Variants in PTPRB observed in about 807,000 individuals in gnomAD.
The protein encoded by PTPRB is receptor-type tyrosine-protein phosphatase beta.
PTPRB carries 97 observed loss-of-function variants against 238.1 expected under a neutral mutation model. The observed-to-expected ratio is 0.41, with a 90% CI of 0.35 to 0.48. PTPRB has a LOEUF of 0.48. PTPRB is among the 20% of genes least tolerant of loss of function. PTPRB has a pLI of 0.30. For synonymous variants in PTPRB, 970 were observed against 995.4 expected, an observed-to-expected ratio of 0.97 and a Z score of 0.48; for missense variants, 2,292 against 2,681.9, an observed-to-expected ratio of 0.85 and a Z score of 3.21.
At chr12:70,589,627 G>A (rs892931368) in intron 8 of PTPRB, among the ~76,000 whole-genome samples, 1 of 148,120 alleles carries the variant, frequency 6.8e-6, no homozygotes, top group Non-Finnish European at 1.5e-5. Flanking sequence ...GTCAACATGA[G>A]GTCAAGGCAA....
At chr12:70,534,764 C>A in intron 30 of PTPRB, 69 bp downstream of exon 30, 3 of 1,600,416 alleles carry the variant, frequency 1.9e-6, no homozygotes, top group South Asian at 1.1e-5. Flanking sequence ...GAGGAACCAG[C>A]GAAAGTGGGG....
At chr12:70,539,421 T>A in intron 26 of PTPRB, 1 of 584,310 alleles carries the variant, frequency 1.7e-6, no homozygotes, top group Non-Finnish European at 3.0e-6. Context: ...TTTGCTGTGT[T>A]ATTCTGGAGC....
At position 70,576,635 on chromosome 12, in the gene PTPRB, A is replaced by G; in HGVS notation, c.2589T>C (p.Ser863=). ...AATTGTTCACCGTTACTCCACTCAC[A>G]CTGGAAGGGACTGTGATTTTGAAAG... ...VVVEGRTVPS[S]VSGVTVNNSG... The change falls in exon 11 of 34, where the codon AGT becomes AGC. Residue 863 remains serine (S), a synonymous_variant. Transcript: ENST00000334414. 8.7e-7 allele frequency: 1 copy of G among 1,151,532 alleles called. No individual in the cohort carries two copies. Among genetic ancestry groups the G allele is most frequent in the Non-Finnish European group, 1.1e-6 (1 of 892,142 alleles). The allele number at this position is 1,151,532 out of a possible 1,614,324, so 71.3% of individuals were successfully genotyped here. A position where few individuals can be genotyped will look rare whatever the true frequency, so the allele number is the denominator to read the frequency against.
intron 21 of PTPRB, among the ~76,000 whole-genome samples, chr12:70,547,960 C>T (rs985256996): frequency 6.6e-6 from 1 of 152,154 alleles, no homozygotes; most frequent in Non-Finnish European, 1.5e-5. Context: ...TGAACGAAAA[C>T]TGAACTTCAT....
intron 12 of PTPRB, 138 bp downstream of exon 12, chr12:70,571,686 G>T: frequency 2.1e-6 from 2 of 975,156 alleles, no homozygotes; most frequent in Non-Finnish European, 3.0e-6. Flanking sequence ...TGGCTTGGCT[G>T]AATGATGTTA....
In PTPRB at chr12:70,555,929, A is replaced by G; in HGVS notation, c.4934T>C (p.Val1645Ala). Residue 1645 changes from valine (V) to alanine (A), a missense_variant, in exon 19 of 34, where the codon GTG becomes GCG. By Grantham distance (64) the Val-to-Ala change is moderately conservative. Transcript: ENST00000334414. ...PHKRYLVSIK[V>A]QSAGMTSEVV... ...CTCGCTGGTCATGCCGGCCGACTGC[A>G]CTTTGATGGACACCAGGTACCTCTT... 4 of 1,613,882 alleles carry G rather than the reference A, an allele frequency of 2.5e-6. No homozygotes were observed. Among genetic ancestry groups the G allele is most frequent in the Non-Finnish European group, 3.4e-6 (4 of 1,179,890 alleles).
rs1403982760 is a variant in PTPRB at position 70,520,290 on chromosome 12, A to G, written c.*1199T>C. ...AAAGTAAGTAAGGCACAAATATTGAAGATAAACTTGGTACAGTATGTAGTG... is the reference window on the plus strand; with the variant it reads ...AAAGTAAGTAAGGCACAAATATTGAGGATAAACTTGGTACAGTATGTAGTG... On this transcript the variant is annotated 3_prime_UTR_variant, in exon 34 of 34. Transcript: ENST00000334414. 2.2e-6 allele frequency: 1 copy of G among 450,068 alleles called. No homozygotes were observed. Among genetic ancestry groups the G allele is most frequent in the East Asian group, 7.0e-5 (1 of 14,274 alleles). The allele number at this position is 450,068 out of a possible 1,614,324, so 27.9% of individuals were successfully genotyped here.
chr12:70,521,574 T>C, intron 33 of PTPRB, 63 bp from the exon 34 acceptor site: 4 of 1,376,198 alleles, frequency 2.9e-6, no homozygotes, highest in Non-Finnish European at 3.9e-6. Flanking sequence ...TTTACGCTGT[T>C]TATGAAAATT....
chr12:70,565,434 C>T (rs1879162933), intron 15 of PTPRB, among the ~76,000 whole-genome samples: 1 of 152,154 alleles, frequency 6.6e-6, no homozygotes, highest in Admixed American at 6.5e-5. Context: ...ACAAAGTATT[C>T]TACCTTCTCT....
chr12:70,567,401 A>C (rs1218840317), intron 14 of PTPRB, among the ~76,000 whole-genome samples: 1 of 152,100 alleles, frequency 6.6e-6, no homozygotes, highest in Non-Finnish European at 1.5e-5. Context: ...AAGACGTCCA[A>C]ATTGGACTCC....
At chr12:70,562,317 A>C (rs964351820) in intron 16 of PTPRB, among the ~76,000 whole-genome samples, 3 of 152,134 alleles carry the variant, frequency 2.0e-5, no homozygotes, top group Admixed American at 6.5e-5. Context: ...CAGGAGATAA[A>C]GGACTCAAAT....
At position 70,609,388 on chromosome 12, in the gene PTPRB, C is replaced by G. The variant is rs780848126; in HGVS notation, c.709-49G>C. Reference sequence around the variant, plus strand: ...GTTTAAGTCCACAGTCTGGACTGCTCAGGGACATGTCCACAGCAAGCTCCT... The same window carrying G: ...GTTTAAGTCCACAGTCTGGACTGCTGAGGGACATGTCCACAGCAAGCTCCT... On this transcript the variant is annotated intron_variant, in intron 3 of 33. Coordinates refer to ENST00000334414, the MANE Select transcript of PTPRB (RefSeq NM_001109754.4). The G allele has an allele frequency of 1.6e-5, 25 of 1,579,804 alleles. No homozygotes were observed. In the Admixed American group the frequency reaches 2.5e-4, roughly 16 times the overall value.
At chr12:70,557,835 C>T (rs947293435) in intron 18 of PTPRB, among the ~76,000 whole-genome samples, 7 of 152,184 alleles carry the variant, frequency 4.6e-5, no homozygotes, top group Non-Finnish European at 1.0e-4. Context: ...TGGTAGATGG[C>T]GAACACCAAT....
chr12:70,603,187 C>A (rs1592575184), intron 4 of PTPRB, among the ~76,000 whole-genome samples: 1 of 152,078 alleles, frequency 6.6e-6, no homozygotes, highest in Non-Finnish European at 1.5e-5. Context: ...TTTCAGAGAA[C>A]TGGGCTGGTT....
At chr12:70,531,738 A>C (rs1035299896) in intron 32 of PTPRB, among the ~76,000 whole-genome samples, 5 of 141,558 alleles carry the variant, frequency 3.5e-5, no homozygotes, top group African/African-American at 1.1e-4. Context: ...ATGGGGGTGT[A>C]GGTGGAGGGA....
chr12:70,533,488 A>G (rs1245783526), intron 31 of PTPRB, among the ~76,000 whole-genome samples: 1 of 152,188 alleles, frequency 6.6e-6, no homozygotes, highest in African/African-American at 2.4e-5. Flanking sequence ...CCAGAGAGAG[A>G]GAGATTTCAC....
chr12:70,587,879 T>A (rs1368491058), intron 8 of PTPRB, among the ~76,000 whole-genome samples: 1 of 151,872 alleles, frequency 6.6e-6, no homozygotes, highest in East Asian at 1.9e-4. Flanking sequence ...GGCGGGTGGA[T>A]CACTTGAGGT....
intron 2 of PTPRB, among the ~76,000 whole-genome samples, chr12:70,629,445 A>G (rs1350768116): frequency 6.6e-6 from 1 of 152,242 alleles, no homozygotes; most frequent in Non-Finnish European, 1.5e-5. Context: ...CATTTAAAGC[A>G]GCGTACAGAG....
At chr12:70,614,637 A>C (rs1884600040) in intron 3 of PTPRB, among the ~76,000 whole-genome samples, 1 of 152,238 alleles carries the variant, frequency 6.6e-6, no homozygotes, top group Non-Finnish European at 1.5e-5. Flanking sequence ...CATGTTAGAC[A>C]TAAGGCCAGT....
Sources: gnomAD v4.1 joint callset for allele counts (sites outside exome capture counted in the v4.1 genomes callset) on GRCh38, gnomAD v4.1.1 for gene constraint, MANE v1.5 for transcripts, NCBI Gene and HGNC (gene_info 2026-07-23, HGNC 2026-07-21) for gene names.